The following MYO1D variants were observed in gnomAD, a reference collection of about 807,000 sequenced individuals.
The protein encoded by MYO1D is myosin ID.
A neutral mutation model predicts 122.0 loss-of-function variants in MYO1D; 83 were observed. The ratio of observed to expected loss-of-function variants is 0.68; its 90% CI spans 0.57 to 0.82. MYO1D has a LOEUF of 0.82. Ranked by LOEUF, MYO1D falls within the 40% of genes least tolerant of loss-of-function variation. The pLI is 0.00. For missense variants in MYO1D, 1,157 were observed against 1,269.5 expected (o/e 0.91, Z 1.35); for synonymous variants, 464 against 446.9 (o/e 1.04, Z -0.48).
At chr17:32,505,179 C>A (rs1309865445) in intron 21 of MYO1D, 1 of 152,378 alleles carries the variant, frequency 6.6e-6, no homozygotes, top group Non-Finnish European at 1.5e-5. Flanking sequence ...CTGCCATCGT[C>A]CCCAGAGCTT....
At chr17:32,860,434 C>G (rs762136383) in intron 1 of MYO1D, among the ~76,000 whole-genome samples, 4 of 152,238 alleles carry the variant, frequency 2.6e-5, no homozygotes, top group Non-Finnish European at 5.9e-5. Context: ...TGTATTTCCT[C>G]TGACATAGCC....
intron 1 of MYO1D, among the ~76,000 whole-genome samples, chr17:32,833,818 C>T (rs1054453557): frequency 2.6e-5 from 4 of 152,108 alleles, no homozygotes; most frequent in Admixed American, 2.0e-4. Context: ...CAGCTGTCTG[C>T]GTGGTTCACC....
At chr17:32,873,196 T>G (rs1054391980) in intron 1 of MYO1D, among the ~76,000 whole-genome samples, 4 of 152,162 alleles carry the variant, frequency 2.6e-5, no homozygotes, top group African/African-American at 9.7e-5. Flanking sequence ...CAAAAAAATG[T>G]TGTCATGAAG....
chr17:32,523,568 T>TGA (rs1910231695), intron 21 of MYO1D: 4 of 152,300 alleles, frequency 2.6e-5, no homozygotes, highest in Middle Eastern at 3.4e-3. Context: ...TTCAGTCTCA[T>TGA]GACAAAACAG....
At chr17:32,861,138 A>G (rs2091071494) in intron 1 of MYO1D, among the ~76,000 whole-genome samples, 1 of 147,374 alleles carries the variant, frequency 6.8e-6, no homozygotes, top group South Asian at 2.1e-4. Context: ...GCGCAACCTC[A>G]GCTCACTGCA....
chr17:32,561,929 G>C (rs1268992506), intron 21 of MYO1D, among the ~76,000 whole-genome samples: 1 of 151,796 alleles, frequency 6.6e-6, no homozygotes, highest in Non-Finnish European at 1.5e-5. Flanking sequence ...GGAAAACACA[G>C]AAAAGTTCAA....
At chr17:32,643,433 C>T (rs574032515) in intron 19 of MYO1D, among the ~76,000 whole-genome samples, 1 of 152,138 alleles carries the variant, frequency 6.6e-6, no homozygotes, top group Non-Finnish European at 1.5e-5. Context: ...TGATGCTGGC[C>T]TCATAAAATA....
chr17:32,561,274 A>G (rs1232807214), intron 21 of MYO1D, among the ~76,000 whole-genome samples: 1 of 152,170 alleles, frequency 6.6e-6, no homozygotes, highest in East Asian at 1.9e-4. Context: ...ACCGGCACTT[A>G]TAACATCCAT....
At chr17:32,751,320 T>C (rs1392147252) in intron 11 of MYO1D, among the ~76,000 whole-genome samples, 4 of 152,106 alleles carry the variant, frequency 2.6e-5, no homozygotes, top group Non-Finnish European at 5.9e-5. Flanking sequence ...ACACACAGAA[T>C]AGCATGTGTA....
intron 16 of MYO1D, among the ~76,000 whole-genome samples, chr17:32,693,281 A>G (rs2089128308): frequency 6.6e-6 from 1 of 151,200 alleles, no homozygotes; most frequent in East Asian, 1.9e-4. Flanking sequence ...TTTTCCTATC[A>G]CCACCTATAG....
intron 16 of MYO1D, among the ~76,000 whole-genome samples, chr17:32,693,644 T>C (rs2089134178): frequency 6.6e-6 from 1 of 152,198 alleles, no homozygotes; most frequent in Non-Finnish European, 1.5e-5. Flanking sequence ...TTGGTTGCCT[T>C]AGTAATGAGA....
chr17:32,755,054 T>C (rs2089933421), intron 11 of MYO1D, among the ~76,000 whole-genome samples: 1 of 152,230 alleles, frequency 6.6e-6, no homozygotes, highest in African/African-American at 2.4e-5. Flanking sequence ...TCATATGATC[T>C]GAAGAAGTAC....
intron 13 of MYO1D, among the ~76,000 whole-genome samples, chr17:32,740,241 T>C (rs2089757399): frequency 6.6e-6 from 1 of 152,236 alleles, no homozygotes; most frequent in Admixed American, 6.5e-5. Flanking sequence ...TCGACACATG[T>C]TAAAAGACTG....
At position 32,813,979 on chromosome 17, in the gene MYO1D, C is replaced by G. The variant is rs1184508741; in HGVS notation, c.96-33195G>C. On this transcript the variant is annotated intron_variant, in intron 1 of 21. Transcript: ENST00000318217. ...AAGGTTTAATACAAACTAGCTTTCA[C>G]ATGTTGGTAACTTTCTCGAGGCAGC... 8.2e-4 allele frequency among the ~76,000 whole-genome samples: 125 copies of G among 152,314 alleles called. 1 individual carries two copies. The highest frequency in any genetic ancestry group is 2.9e-5 in the Non-Finnish European group (2 of 68,026).
chr17:32,543,376 A>G (rs565079210), intron 21 of MYO1D, among the ~76,000 whole-genome samples: 9 of 151,448 alleles, frequency 5.9e-5, no homozygotes, highest in Non-Finnish European at 1.0e-4. Flanking sequence ...GGAGATCGAG[A>G]CCATCCTGGC....
chr17:32,762,882 GAA>G (rs34258339), intron 8 of MYO1D, among the ~76,000 whole-genome samples: 49 of 129,972 alleles, frequency 3.8e-4, no homozygotes, highest in South Asian at 1.3e-3. Context: ...AAAAAAAAAA[GAA>G]AAAAAAAAAA....
chr17:32,743,909 C>T (rs1039686811), intron 13 of MYO1D, among the ~76,000 whole-genome samples: 2 of 151,470 alleles, frequency 1.3e-5, no homozygotes, highest in Non-Finnish European at 3.0e-5. Flanking sequence ...TGAGCCACTG[C>T]GACCAGCCTC....
At chr17:32,578,678 G>C (rs1001832582) in intron 21 of MYO1D, among the ~76,000 whole-genome samples, 5 of 152,162 alleles carry the variant, frequency 3.3e-5, no homozygotes, top group Admixed American at 3.3e-4. Context: ...TTTTACAAAA[G>C]GTGCTTTCAA....
At chr17:32,687,215 G>GTT (rs2089027749) in intron 16 of MYO1D, among the ~76,000 whole-genome samples, 1 of 120,584 alleles carries the variant, frequency 8.3e-6, no homozygotes, top group Non-Finnish European at 1.7e-5. Flanking sequence ...TTTTTTTTCT[G>GTT]AGACAGAGTC....
Sources: allele counts gnomAD v4.1 joint callset (sites outside exome capture counted in the v4.1 genomes callset), GRCh38; gene constraint gnomAD v4.1.1; transcripts MANE v1.5; gene names NCBI Gene and HGNC (gene_info 2026-07-23, HGNC 2026-07-21).